Variants in CETP observed in about 807,000 individuals in gnomAD.
The protein encoded by CETP is cholesteryl ester transfer protein.
Under a neutral mutation model 66.5 loss-of-function variants are expected in CETP, and 56 were observed. That is an observed-to-expected ratio of 0.84 (90% CI 0.68 to 1.05). The LOEUF (loss-of-function observed/expected upper bound fraction) is 1.05, where lower values mean the gene tolerates loss of function less well. Among genes scored for constraint, CETP ranks in the 50% least tolerant of loss-of-function variants. The pLI, the probability that CETP is intolerant of heterozygous loss-of-function variation, is 0.00. For synonymous variants in CETP, 251 were observed against 245.7 expected, an observed-to-expected ratio of 1.02 and a Z score of -0.20; for missense variants, 612 against 609.6, an observed-to-expected ratio of 1.00 and a Z score of -0.04.
rs186097921 is a variant in CETP, at chr16:56,975,060, C to A, written c.931-41C>A. On this transcript the variant is annotated intron_variant, in intron 9 of 15. Transcript: ENST00000200676. ...GCGAAGTTTTCTTCTGAGGAGTGGA[C>A]TTTACTCCACCCACCCTCCAACTTC... is the stretch of plus-strand genomic sequence containing the variant. 1.7e-5 allele frequency: 27 copies of A among 1,599,130 alleles called. No homozygotes were observed. In the African/African-American group the frequency reaches 3.5e-4, roughly 21 times the overall value.
rs143080800 is a variant in CETP, at chr16:56,967,425, G to A, written c.234-1961G>A. On this transcript the variant is annotated intron_variant, in intron 2 of 15. Transcript: ENST00000200676. ...AACCCCAACACTTTGGGAGGCTGAG[G>A]TGGGGGAATCACCTGAGGTCAGGAG... Among the ~76,000 whole-genome samples the A allele has an allele frequency of 4.6e-3, 696 of 151,922 alleles. 1 individual carries two copies. Among genetic ancestry groups the A allele is most frequent in the Non-Finnish European group, 7.8e-3 (529 of 67,946 alleles).
intron 7 of CETP, 45 bp from the exon 8 acceptor site, chr16:56,971,947 A>G (rs2056113376): frequency 6.5e-7 from 1 of 1,541,556 alleles, no homozygotes; most frequent in Non-Finnish European, 9.0e-7. Context: ...GACTCAGGGC[A>G]ATTCCCCCAT....
At chr16:56,973,715 A>G (rs1253868714) in intron 9 of CETP, among the ~76,000 whole-genome samples, 1 of 152,240 alleles carries the variant, frequency 6.6e-6, no homozygotes, top group Non-Finnish European at 1.5e-5. Context: ...ATGTAGCAGG[A>G]CGAACCGCAG....
chr16:56,969,994 G>A lies in CETP; in HGVS notation c.520G>A (p.Glu174Lys), dbSNP rs1567471388. 1.2e-6 allele frequency: 2 copies of A among 1,613,666 alleles called. No individual in the cohort carries two copies. Among genetic ancestry groups the A allele is most frequent in the Non-Finnish European group, 1.7e-6 (2 of 1,179,888 alleles). ...TAAGCTGCTCCTGCATCTCCAAGGGGAGCGAGAGTAAGTACACCACCCTGT... is the reference window on the plus strand; with the variant it reads ...TAAGCTGCTCCTGCATCTCCAAGGGAAGCGAGAGTAAGTACACCACCCTGT... ...FHKLLLHLQGEREPGWIKQLF... is the reference protein window; with the variant it reads ...FHKLLLHLQGKREPGWIKQLF... The change falls in exon 5 of 16, where the codon GAG becomes AAG. Residue 174 changes from glutamate (E) to lysine (K), a missense_variant. Glu to Lys is a moderately conservative substitution (Grantham distance 56). Coordinates refer to ENST00000200676, the MANE Select transcript of CETP (RefSeq NM_000078.3).
chr16:56,967,654 C>CAA (rs766914734), intron 2 of CETP, among the ~76,000 whole-genome samples: 14 of 61,776 alleles, frequency 2.3e-4, no homozygotes, highest in Admixed American at 3.5e-4. Context: ...GACTCAGTCT[C>CAA]AAAAAAAAAA....
At chr16:56,983,442 G>C (rs367834066) in intron 15 of CETP, 31 bp downstream of exon 15, 3 of 1,611,006 alleles carry the variant, frequency 1.9e-6, no homozygotes, top group East Asian at 2.2e-5. Flanking sequence ...ACCAGCCCCT[G>C]TTCCTGGGGA....
At chr16:56,983,535 C>T (rs745353340) in intron 15 of CETP, 57 bp from the exon 16 acceptor site, 3 of 1,604,898 alleles carry the variant, frequency 1.9e-6, no homozygotes, top group African/African-American at 1.3e-5. Context: ...TGGCTCCCTC[C>T]TGGTGGCCTG....
chr16:56,975,028 G>C, intron 9 of CETP, 73 bp from the exon 10 acceptor site: 1 of 1,376,796 alleles, frequency 7.3e-7, no homozygotes, highest in Non-Finnish European at 1.0e-6. Context: ...AACTGCCCTT[G>C]GTCCCTGCGA....
At chr16:56,963,216 G>A in intron 2 of CETP, 92 bp downstream of exon 2, 1 of 970,098 alleles carries the variant, frequency 1.0e-6, no homozygotes, top group Non-Finnish European at 1.6e-6. Context: ...AGGAAAGGCA[G>A]CAGCTGGGGG....
intron 9 of CETP, among the ~76,000 whole-genome samples, chr16:56,974,596 A>T (rs289715): frequency 0.85 from 129,796 of 152,250 alleles, 55,492 homozygotes; most frequent in Middle Eastern, 0.88. Context: ...TTGATATTAG[A>T]CTTACATTTA....
In CETP at chr16:56,978,232, TC is replaced by T. The variant is rs777915580; in HGVS notation, c.1124del (p.Ser375LeufsTer2). The T allele has an allele frequency of 1.6e-5, 26 of 1,614,020 alleles. No individual in the cohort carries two copies. Among genetic ancestry groups the T allele is most frequent in the Non-Finnish European group, 2.1e-5 (25 of 1,180,020 alleles). On this transcript the variant is annotated frameshift_variant, in exon 11 of 16. Transcript: ENST00000200676. LOFTEE classifies it high-confidence loss of function. ...FLFPRPDQQH[S>X]VAYTFEEDIV... is the part of the protein sequence containing the mutation. ...CTTTCCACGCCCAGACCAGCAACAT[TC>T]TGTAGCTTACACATTTGAAGAGGTG...
chr16:56,963,645 C>T (rs1413542862), intron 2 of CETP, among the ~76,000 whole-genome samples: 2 of 151,990 alleles, frequency 1.3e-5, no homozygotes, highest in African/African-American at 4.8e-5. Context: ...ACAACATCCT[C>T]ACCTTTATCA....
chr16:56,982,299 G>C (rs2056194562), intron 14 of CETP, 62 bp downstream of exon 14: 4 of 1,513,116 alleles, frequency 2.6e-6, no homozygotes, highest in Non-Finnish European at 2.8e-6. Context: ...ATTTCACCTT[G>C]TGGGCCCTTC....
At position 56,963,078 on chromosome 16, in the gene CETP, G is replaced by C; in HGVS notation, c.187G>C (p.Glu63Gln). 1 of 1,614,188 alleles carries C rather than the reference G, an allele frequency of 6.2e-7. No homozygotes were observed. The highest frequency in any genetic ancestry group is 8.5e-7 in the Non-Finnish European group (1 of 1,180,018). The change falls in exon 2 of 16, where the codon GAG becomes CAG. Residue 63 changes from glutamate to glutamine, a missense_variant. Coordinates refer to ENST00000200676, the MANE Select transcript of CETP (RefSeq NM_000078.3). ...QRASYPDITG[E>Q]KAMMLLGQVK... Reference sequence around the variant, plus strand: ...AGCCAGCTACCCAGATATCACGGGCGAGAAGGCCATGATGCTCCTTGGCCA... The same window carrying C: ...AGCCAGCTACCCAGATATCACGGGCCAGAAGGCCATGATGCTCCTTGGCCA...
chr16:56,970,087 C>A, intron 5 of CETP, 86 bp downstream of exon 5: 3 of 1,311,430 alleles, frequency 2.3e-6, no homozygotes, highest in Non-Finnish European at 3.2e-6. Context: ...CAACCCCACA[C>A]AGGGCATGCT....
intron 5 of CETP, among the ~76,000 whole-genome samples, chr16:56,970,720 A>C (rs957771911): frequency 6.6e-6 from 1 of 152,186 alleles, no homozygotes; most frequent in Non-Finnish European, 1.5e-5. Context: ...GGAGCCCTCT[A>C]TTCAGGCCAT....
intron 11 of CETP, 24 bp from the exon 12 acceptor site, chr16:56,981,134 A>C: frequency 6.3e-7 from 1 of 1,578,704 alleles, no homozygotes; most frequent in Non-Finnish European, 8.7e-7. Context: ...CCTGGCTCAC[A>C]GCAAATTTGG....
intron 9 of CETP, 66 bp downstream of exon 9, chr16:56,973,576 G>C: frequency 1.3e-6 from 2 of 1,532,382 alleles, no homozygotes; most frequent in African/African-American, 1.4e-5. Flanking sequence ...GTGTGCACAC[G>C]CATGGGGAGG....
At chr16:56,976,787 A>C (rs1323974832) in intron 10 of CETP, among the ~76,000 whole-genome samples, 1 of 151,720 alleles carries the variant, frequency 6.6e-6, no homozygotes, top group Non-Finnish European at 1.5e-5. Flanking sequence ...CATCTCTTTT[A>C]TCTCTATCCT....
Sources: allele counts gnomAD v4.1 joint callset (sites outside exome capture counted in the v4.1 genomes callset), GRCh38; gene constraint gnomAD v4.1.1; transcripts MANE v1.5; gene names NCBI Gene and HGNC (gene_info 2026-07-23, HGNC 2026-07-21).